The following KCNIP4 variants were observed in gnomAD, a reference collection of about 807,000 sequenced individuals.
The protein encoded by KCNIP4 is potassium voltage-gated channel interacting protein 4, also known as Kv channel-interacting protein 4.
KCNIP4 carries 12 observed loss-of-function variants against 34.0 expected under a neutral mutation model. The observed-to-expected ratio is 0.35, with a 90% CI of 0.23 to 0.57. The LOEUF (loss-of-function observed/expected upper bound fraction) is 0.57, where lower values mean the gene tolerates loss of function less well. Ranked by LOEUF, KCNIP4 falls within the 20% of genes least tolerant of loss-of-function variation. The pLI is 0.83. For synonymous variants in KCNIP4, 124 were observed against 102.2 expected, an observed-to-expected ratio of 1.21 and a Z score of -1.29; for missense variants, 238 against 311.7, an observed-to-expected ratio of 0.76 and a Z score of 1.78.
chr4:21,822,899 G>A (rs1722445772), intron 1 of KCNIP4, among the ~76,000 whole-genome samples: 1 of 151,860 alleles, frequency 6.6e-6, no homozygotes, highest in Non-Finnish European at 1.5e-5. Flanking sequence ...TGTAGTTTTA[G>A]TAGAGACAGG....
At chr4:21,297,240 C>A (rs1763895478) in intron 1 of KCNIP4, among the ~76,000 whole-genome samples, 3 of 151,908 alleles carry the variant, frequency 2.0e-5, no homozygotes, top group African/African-American at 4.8e-5. Flanking sequence ...CCTTGGCCTT[C>A]CAAAAATTCA....
intron 1 of KCNIP4, among the ~76,000 whole-genome samples, chr4:21,122,457 G>T (rs1401104976): frequency 1.6e-5 from 2 of 126,358 alleles, no homozygotes; most frequent in African/African-American, 2.9e-5. Flanking sequence ...TGCAGATCAA[G>T]TTTTTTTTTT....
At chr4:21,718,459 T>C (rs1375264424) in intron 1 of KCNIP4, 2 of 152,168 alleles carry the variant, frequency 1.3e-5, no homozygotes, top group African/African-American at 4.8e-5. Flanking sequence ...TTTTTTTGTT[T>C]TTTGTTTTTT....
intron 1 of KCNIP4, among the ~76,000 whole-genome samples, chr4:21,235,234 T>C (rs67218868): frequency 0.2 from 29,708 of 152,056 alleles, 5,653 homozygotes; most frequent in African/African-American, 0.5. Context: ...AAAATAAAGA[T>C]GGCATGCTCT....
intron 1 of KCNIP4, among the ~76,000 whole-genome samples, chr4:21,574,833 C>A (rs1241022274): frequency 1.3e-5 from 2 of 152,178 alleles, no homozygotes; most frequent in Non-Finnish European, 2.9e-5. Flanking sequence ...CTTATTTCAA[C>A]ATTCCCAGTA....
chr4:21,596,883 CAGA>C (rs1430609083), intron 1 of KCNIP4, among the ~76,000 whole-genome samples: 14 of 151,974 alleles, frequency 9.2e-5, no homozygotes, highest in African/African-American at 3.1e-4. Context: ...GAGTTCCAGG[CAGA>C]AGATTTGGAA....
chr4:21,088,739 T>A (rs533534859), intron 1 of KCNIP4, among the ~76,000 whole-genome samples: 1 of 152,188 alleles, frequency 6.6e-6, no homozygotes, highest in Non-Finnish European at 1.5e-5. Flanking sequence ...TTCCTAAAGA[T>A]GTTTTGCCTT....
chr4:21,047,566 C>T (rs1344160937), intron 1 of KCNIP4, among the ~76,000 whole-genome samples: 1 of 152,074 alleles, frequency 6.6e-6, no homozygotes, highest in Non-Finnish European at 1.5e-5. Flanking sequence ...AGCAGAAGAG[C>T]CAAGTTTTCT....
chr4:21,382,390 G>A (rs1388215826), intron 1 of KCNIP4, among the ~76,000 whole-genome samples: 1 of 152,098 alleles, frequency 6.6e-6, no homozygotes, highest in African/African-American at 2.4e-5. Context: ...TTAAAATTGA[G>A]GATAGTCATA....
At chr4:21,621,257 T>C (rs1353026713) in intron 1 of KCNIP4, among the ~76,000 whole-genome samples, 1 of 152,172 alleles carries the variant, frequency 6.6e-6, no homozygotes, top group Non-Finnish European at 1.5e-5. Context: ...CTGCCACACC[T>C]AAATAAACAC....
intron 3 of KCNIP4, among the ~76,000 whole-genome samples, chr4:20,805,681 C>T (rs929981777): frequency 6.6e-6 from 1 of 152,134 alleles, no homozygotes; most frequent in Non-Finnish European, 1.5e-5. Flanking sequence ...CTTGATTAGA[C>T]TACAAACTGA....
At chr4:21,268,234 A>G (rs1761935634) in intron 1 of KCNIP4, among the ~76,000 whole-genome samples, 1 of 130,674 alleles carries the variant, frequency 7.7e-6, no homozygotes, top group African/African-American at 3.2e-5. Context: ...AACTAAGTGA[A>G]TAAATATTCA....
chr4:21,077,079 T>C (rs28713376), intron 1 of KCNIP4, among the ~76,000 whole-genome samples: 4,478 of 152,054 alleles, frequency 0.029, 185 homozygotes, highest in African/African-American at 0.1. Flanking sequence ...GACAGTGAGC[T>C]GAAATTGTTG....
intron 5 of KCNIP4, among the ~76,000 whole-genome samples, chr4:20,737,850 G>C (rs1391854380): frequency 1.3e-5 from 2 of 152,250 alleles, no homozygotes; most frequent in East Asian, 3.8e-4. Flanking sequence ...ACAACCAGCA[G>C]GCTGGGGATC....
chr4:21,137,704 T>G (rs2109196058), intron 1 of KCNIP4, among the ~76,000 whole-genome samples: 1 of 152,150 alleles, frequency 6.6e-6, no homozygotes, highest in South Asian at 2.1e-4. Flanking sequence ...TAAAATACAG[T>G]TATGATGAGA....
chr4:21,408,895 A>G (rs1724233246), intron 1 of KCNIP4, among the ~76,000 whole-genome samples: 1 of 152,106 alleles, frequency 6.6e-6, no homozygotes, highest in Non-Finnish European at 1.5e-5. Context: ...TAGTTCACAA[A>G]CCAGTGACAT....
At chr4:21,148,126 T>TA (rs1752516171) in intron 1 of KCNIP4, among the ~76,000 whole-genome samples, 1 of 152,132 alleles carries the variant, frequency 6.6e-6, no homozygotes, top group Non-Finnish European at 1.5e-5. Context: ...AACTGCTGCC[T>TA]AATGGCTTAA....
chr4:21,275,840 T>C (rs914612567), intron 1 of KCNIP4, among the ~76,000 whole-genome samples: 7 of 152,176 alleles, frequency 4.6e-5, no homozygotes, highest in African/African-American at 1.2e-4. Context: ...AGTACTTTAC[T>C]ATGAGATAGA....
intron 1 of KCNIP4, among the ~76,000 whole-genome samples, chr4:21,506,057 C>T (rs552756614): frequency 1.5e-3 from 226 of 152,218 alleles, no homozygotes; most frequent in African/African-American, 5.1e-3. Context: ...GAGCTGAGAT[C>T]GCACCACTGC....
Sources: gnomAD v4.1 joint callset for allele counts (sites outside exome capture counted in the v4.1 genomes callset) on GRCh38, gnomAD v4.1.1 for gene constraint, MANE v1.5 for transcripts, NCBI Gene and HGNC (gene_info 2026-07-23, HGNC 2026-07-21) for gene names.